The following CLSTN2 variants were observed in gnomAD, a reference collection of about 807,000 sequenced individuals.
CLSTN2 encodes the protein calsyntenin 2.
In CLSTN2, 48 loss-of-function variants were observed where a neutral mutation model predicts 101.2. The ratio of observed to expected loss-of-function variants is 0.47; its 90% CI spans 0.38 to 0.60. The LOEUF (loss-of-function observed/expected upper bound fraction) is 0.60. CLSTN2 is among the 20% of genes least tolerant of loss of function. The pLI, the probability that CLSTN2 is intolerant of heterozygous loss-of-function variation, is 0.00. For synonymous variants in CLSTN2, 481 were observed against 463.6 expected, an observed-to-expected ratio of 1.04 and a Z score of -0.48; for missense variants, 1,160 against 1,238.2, an observed-to-expected ratio of 0.94 and a Z score of 0.95.
intron 2 of CLSTN2, among the ~76,000 whole-genome samples, chr3:140,241,870 C>CAT (rs72373622): frequency 7.6e-6 from 1 of 132,290 alleles, no homozygotes; most frequent in African/African-American, 2.9e-5. Context: ...TATATATACA[C>CAT]ATATATATAT....
At chr3:140,401,624 T>C (rs1197998061) in intron 2 of CLSTN2, among the ~76,000 whole-genome samples, 2 of 152,210 alleles carry the variant, frequency 1.3e-5, no homozygotes, top group East Asian at 3.9e-4. Context: ...TCATCTATTC[T>C]AGGTTTGACT....
rs1198601026 is a variant in CLSTN2, at chr3:140,574,996, C to T, written c.*8743C>T. 1 of 152,188 alleles carries T rather than the reference C, an allele frequency of 6.6e-6. No homozygotes were observed. Among genetic ancestry groups the T allele is most frequent in the Non-Finnish European group, 1.5e-5 (1 of 68,062 alleles). 9.4% of individuals were successfully genotyped at this position (152,188 alleles called of 1,614,324 possible). On this transcript the variant is annotated 3_prime_UTR_variant, in exon 17 of 17. Coordinates refer to ENST00000458420, the MANE Select transcript of CLSTN2 (RefSeq NM_022131.3). ...CCACCCTTGGTGGCAAAAGTGCATC[C>T]ATCCTGGCCAATATAGAACACTCAC...
At chr3:140,147,930 T>A (rs1352177636) in intron 1 of CLSTN2, among the ~76,000 whole-genome samples, 2 of 152,214 alleles carry the variant, frequency 1.3e-5, no homozygotes, top group Admixed American at 6.5e-5. Context: ...TTGCCTGAAT[T>A]CATCTTGTAT....
At chr3:140,156,743 C>T (rs1357304542) in intron 1 of CLSTN2, among the ~76,000 whole-genome samples, 1 of 152,212 alleles carries the variant, frequency 6.6e-6, no homozygotes, top group Non-Finnish European at 1.5e-5. Flanking sequence ...ACTCAGACTG[C>T]ATGGAAGTCT....
chr3:139,998,416 G>A (rs1433263075), intron 1 of CLSTN2, among the ~76,000 whole-genome samples: 2 of 136,410 alleles, frequency 1.5e-5, no homozygotes, highest in Non-Finnish European at 3.1e-5. Context: ...CTCACTGCAA[G>A]CTCCGCCTCC....
chr3:140,366,688 C>T (rs1287794735), intron 2 of CLSTN2, among the ~76,000 whole-genome samples: 2 of 152,200 alleles, frequency 1.3e-5, no homozygotes, highest in African/African-American at 2.4e-5. Flanking sequence ...CTCTTCCAAG[C>T]AAGTGCCCAC....
intron 1 of CLSTN2, among the ~76,000 whole-genome samples, chr3:140,167,421 G>A (rs1262087070): frequency 6.6e-6 from 1 of 152,146 alleles, no homozygotes; most frequent in Non-Finnish European, 1.5e-5. Flanking sequence ...GACTGAGTTA[G>A]CACTTCTCTT....
chr3:140,344,932 G>T (rs989864170), intron 2 of CLSTN2, among the ~76,000 whole-genome samples: 1 of 152,140 alleles, frequency 6.6e-6, no homozygotes, highest in Non-Finnish European at 1.5e-5. Context: ...GAGAAGCACA[G>T]AAAGAAATGG....
At chr3:140,387,761 A>T (rs1204026816) in intron 2 of CLSTN2, among the ~76,000 whole-genome samples, 6 of 152,262 alleles carry the variant, frequency 3.9e-5, no homozygotes, top group African/African-American at 1.4e-4. Flanking sequence ...GTGAATTTCA[A>T]AATTTACATG....
chr3:140,396,463 A>G (rs1021289523), intron 2 of CLSTN2, among the ~76,000 whole-genome samples: 1 of 152,184 alleles, frequency 6.6e-6, no homozygotes, highest in Admixed American at 6.5e-5. Context: ...CTTCAATATA[A>G]TAACAGGGAA....
At chr3:140,481,739 GCTCT>G (rs1213525362) in intron 8 of CLSTN2, among the ~76,000 whole-genome samples, 3 of 151,992 alleles carry the variant, frequency 2.0e-5, no homozygotes, top group East Asian at 3.9e-4. Context: ...TCATTATTTG[GCTCT>G]CTGTTTGTCT....
At chr3:140,013,524 G>A (rs532770429) in intron 1 of CLSTN2, among the ~76,000 whole-genome samples, 3 of 152,184 alleles carry the variant, frequency 2.0e-5, no homozygotes, top group Non-Finnish European at 4.4e-5. Flanking sequence ...CCGTTTGGGT[G>A]CCAAATATTG....
In CLSTN2 at chr3:140,278,822, C is replaced by T. The variant is rs542923106; in HGVS notation, c.232+102749C>T. ...GCAGCCTCTACCTCCTGGGCTGAAGCGATCTTCCCACCTCATCCTTCTGAG... is the reference window on the plus strand; with the variant it reads ...GCAGCCTCTACCTCCTGGGCTGAAGTGATCTTCCCACCTCATCCTTCTGAG... On this transcript the variant is annotated intron_variant, in intron 2 of 16. Transcript: ENST00000458420. Among the ~76,000 whole-genome samples the T allele has an allele frequency of 4.6e-5, 7 of 152,206 alleles. No homozygotes were observed. The South Asian group carries it at 6.2e-4, about 14-fold the overall frequency.
intron 2 of CLSTN2, among the ~76,000 whole-genome samples, chr3:140,387,844 C>T (rs1188823655): frequency 1.3e-5 from 2 of 152,170 alleles, no homozygotes; most frequent in Non-Finnish European, 2.9e-5. Flanking sequence ...ATAGCAATTC[C>T]TTCTCCATAA....
At chr3:140,063,417 A>G (rs1242696504) in intron 1 of CLSTN2, among the ~76,000 whole-genome samples, 1 of 152,126 alleles carries the variant, frequency 6.6e-6, no homozygotes, top group African/African-American at 2.4e-5. Flanking sequence ...ATAAAAGGGG[A>G]GAGGAGTAAA....
chr3:140,420,025 C>T (rs71619379), intron 4 of CLSTN2, among the ~76,000 whole-genome samples: 85,632 of 147,736 alleles, frequency 0.58, 27,209 homozygotes, highest in African/African-American at 0.86. Context: ...CCTGAGTAGC[C>T]GGGAGTACAG....
At chr3:140,404,101 C>T (rs1360296496) in intron 3 of CLSTN2, among the ~76,000 whole-genome samples, 1 of 152,246 alleles carries the variant, frequency 6.6e-6, no homozygotes, top group African/African-American at 2.4e-5. Context: ...CTTCCCTAAG[C>T]TGGCCCACCC....
chr3:140,264,216 G>T (rs964710647), intron 2 of CLSTN2, among the ~76,000 whole-genome samples: 1 of 151,486 alleles, frequency 6.6e-6, no homozygotes, highest in African/African-American at 2.4e-5. Flanking sequence ...TGATTTTGCT[G>T]TTTAAAATGG....
At chr3:140,560,505 A>G (rs543387426) in intron 12 of CLSTN2, among the ~76,000 whole-genome samples, 1 of 152,112 alleles carries the variant, frequency 6.6e-6, no homozygotes, top group South Asian at 2.1e-4. Context: ...CCATTCTGAC[A>G]CTTCCAACTG....
Sources: gnomAD v4.1 joint callset for allele counts (sites outside exome capture counted in the v4.1 genomes callset) on GRCh38, gnomAD v4.1.1 for gene constraint, MANE v1.5 for transcripts, NCBI Gene and HGNC (gene_info 2026-07-23, HGNC 2026-07-21) for gene names.